The following UNC5C variants were observed in gnomAD, a reference collection of about 807,000 sequenced individuals.
UNC5C encodes netrin receptor UNC5C.
In UNC5C, 47 loss-of-function variants were observed where a neutral mutation model predicts 99.8. The observed-to-expected ratio is 0.47, with a 90% CI of 0.37 to 0.60. UNC5C has a LOEUF of 0.60. Among genes scored for constraint, UNC5C ranks in the 20% least tolerant of loss-of-function variants. UNC5C has a pLI of 0.00. For synonymous variants in UNC5C, 487 were observed against 452.2 expected (o/e 1.08, Z -0.98); for missense variants, 1,062 against 1,165.9 (o/e 0.91, Z 1.30).
At chr4:95,527,799 T>C (rs1722536429) in intron 1 of UNC5C, among the ~76,000 whole-genome samples, 1 of 152,268 alleles carries the variant, frequency 6.6e-6, no homozygotes, top group East Asian at 1.9e-4. Flanking sequence ...ATGCAATTGA[T>C]GGAGAAATTT....
chr4:95,283,502 T>C (rs1380039519), intron 3 of UNC5C, among the ~76,000 whole-genome samples: 1 of 152,192 alleles, frequency 6.6e-6, no homozygotes, highest in Admixed American at 6.5e-5. Flanking sequence ...GCCGCTCATT[T>C]CAGCATGCTG....
intron 11 of UNC5C, among the ~76,000 whole-genome samples, chr4:95,206,147 C>T (rs1737868706): frequency 6.6e-6 from 1 of 151,808 alleles, no homozygotes. Context: ...ATTATAGGCA[C>T]ATGCCACTGC....
chr4:95,379,626 T>C (rs1280390776), intron 1 of UNC5C, among the ~76,000 whole-genome samples: 3 of 152,188 alleles, frequency 2.0e-5, no homozygotes, highest in South Asian at 2.1e-4. Context: ...AGAGCTTGCC[T>C]TCCGGTCAGA....
At chr4:95,245,527 T>C (rs1298560134) in intron 5 of UNC5C, among the ~76,000 whole-genome samples, 1 of 152,184 alleles carries the variant, frequency 6.6e-6, no homozygotes, top group African/African-American at 2.4e-5. Context: ...CAAGTCAATC[T>C]ATAGCATGGG....
intron 3 of UNC5C, among the ~76,000 whole-genome samples, chr4:95,290,168 T>C (rs1741390812): frequency 6.6e-6 from 1 of 151,704 alleles, no homozygotes; most frequent in Non-Finnish European, 1.5e-5. Context: ...TAGCAGAGTA[T>C]GGTAGTAGGT....
intron 3 of UNC5C, among the ~76,000 whole-genome samples, chr4:95,295,654 CA>C (rs1741645241): frequency 6.6e-6 from 1 of 152,182 alleles, no homozygotes; most frequent in Non-Finnish European, 1.5e-5. Context: ...AAGAGGTAAT[CA>C]TACTTATTTA....
intron 7 of UNC5C, among the ~76,000 whole-genome samples, chr4:95,234,193 C>T (rs1739015301): frequency 6.6e-6 from 1 of 152,092 alleles, no homozygotes; most frequent in East Asian, 1.9e-4. Flanking sequence ...GCTGCTTTCA[C>T]ATCAGTTTAG....
intron 1 of UNC5C, among the ~76,000 whole-genome samples, chr4:95,525,596 T>TG (rs1722476555): frequency 9.8e-6 from 1 of 102,162 alleles, no homozygotes; most frequent in African/African-American, 4.0e-5. Context: ...GCCTATTTCT[T>TG]AAAAAAAAAA....
intron 11 of UNC5C, among the ~76,000 whole-genome samples, chr4:95,204,660 CAGAGACAAGA>C (rs1737810471): frequency 6.6e-6 from 1 of 152,232 alleles, no homozygotes; most frequent in African/African-American, 2.4e-5. Context: ...TCTGCACTGT[CAGAGACAAGA>C]GTCAGTCAGT....
chr4:95,418,953 C>G (rs1400505560), intron 1 of UNC5C, among the ~76,000 whole-genome samples: 4 of 152,154 alleles, frequency 2.6e-5, no homozygotes, highest in Non-Finnish European at 4.4e-5. Flanking sequence ...TGCTCACTTT[C>G]TGTATATCTG....
chr4:95,545,097 G>T (rs541653479), intron 1 of UNC5C, among the ~76,000 whole-genome samples: 6 of 152,250 alleles, frequency 3.9e-5, no homozygotes, highest in Middle Eastern at 3.4e-3. Flanking sequence ...ATGTCCTTAG[G>T]GGGGGTTGCT....
chr4:95,306,747 C>T (rs1028095648), intron 2 of UNC5C, among the ~76,000 whole-genome samples: 2 of 152,116 alleles, frequency 1.3e-5, no homozygotes, highest in African/African-American at 4.8e-5. Context: ...GCAGGCCTGG[C>T]AATTTGGCTT....
At chr4:95,512,082 A>T (rs528207267) in intron 1 of UNC5C, among the ~76,000 whole-genome samples, 14 of 152,166 alleles carry the variant, frequency 9.2e-5, no homozygotes, top group African/African-American at 3.4e-4. Context: ...GGGTCTGGAG[A>T]AGGAGGCAGG....
At chr4:95,372,935 CCA>C (rs1744789156) in intron 1 of UNC5C, among the ~76,000 whole-genome samples, 2 of 152,144 alleles carry the variant, frequency 1.3e-5, no homozygotes, top group African/African-American at 4.8e-5. Flanking sequence ...AGCAGCTACA[CCA>C]TCACAGGAGA....
chr4:95,169,228 T>G lies in UNC5C; in HGVS notation c.*6A>C. 6.2e-7 allele frequency: 1 copy of G among 1,613,540 alleles called. No individual in the cohort carries two copies. Among genetic ancestry groups the G allele is most frequent in the South Asian group, 1.1e-5 (1 of 90,992 alleles). ...TTGTCCTTCATTTCCCCTTCCAGCA[T>G]GGTGGTTAATACTGCCCTTCTGCTG... On this transcript the variant is annotated 3_prime_UTR_variant, in exon 16 of 16. Transcript: ENST00000453304.
At chr4:95,225,956 G>A (rs894091534) in intron 7 of UNC5C, among the ~76,000 whole-genome samples, 5 of 152,164 alleles carry the variant, frequency 3.3e-5, no homozygotes, top group South Asian at 2.1e-4. Flanking sequence ...TAAATGAGGG[G>A]AACACAGAAT....
intron 1 of UNC5C, among the ~76,000 whole-genome samples, chr4:95,536,932 A>G (rs991036115): frequency 6.6e-6 from 1 of 152,204 alleles, no homozygotes; most frequent in African/African-American, 2.4e-5. Context: ...AAGCTTTTAC[A>G]ATGGCCTGAA....
intron 1 of UNC5C, among the ~76,000 whole-genome samples, chr4:95,502,546 T>A (rs374414437): frequency 1.8e-4 from 28 of 152,230 alleles, no homozygotes; most frequent in East Asian, 1.5e-3. Context: ...GTGTTGAGAT[T>A]ATAGGGGTGT....
chr4:95,390,033 T>C (rs928377884), intron 1 of UNC5C, among the ~76,000 whole-genome samples: 1 of 152,264 alleles, frequency 6.6e-6, no homozygotes, highest in South Asian at 2.1e-4. Flanking sequence ...AGTGTAATAG[T>C]ATGCCCCAAA....
Sources: gnomAD v4.1 joint callset for allele counts (sites outside exome capture counted in the v4.1 genomes callset) on GRCh38, gnomAD v4.1.1 for gene constraint, MANE v1.5 for transcripts, NCBI Gene and HGNC (gene_info 2026-07-23, HGNC 2026-07-21) for gene names.